TOP1: variants seen among roughly 807,000 people sequenced by gnomAD.
TOP1 encodes DNA topoisomerase 1.
Under a neutral mutation model 111.1 loss-of-function variants are expected in TOP1, and 10 were observed. The ratio of observed to expected loss-of-function variants is 0.09; its 90% CI spans 0.06 to 0.15. The LOEUF (loss-of-function observed/expected upper bound fraction) is 0.15. Ranked by LOEUF, TOP1 falls within the 10% of genes least tolerant of loss-of-function variation. The pLI, the probability that TOP1 is intolerant of heterozygous loss-of-function variation, is 1.00. For synonymous variants in TOP1, 271 were observed against 302.9 expected, an observed-to-expected ratio of 0.89 and a Z score of 1.10; for missense variants, 474 against 926.7, an observed-to-expected ratio of 0.51 and a Z score of 6.34.
In TOP1 at chr20:41,118,799, T is replaced by C. The variant is rs77927815; in HGVS notation, c.1950+503T>C. ...TATATAGTTCATCATCAAACATCTGTTGAATACTGGCCGTGTGCCAGACAA... is the reference window on the plus strand; with the variant it reads ...TATATAGTTCATCATCAAACATCTGCTGAATACTGGCCGTGTGCCAGACAA... On this transcript the variant is annotated intron_variant, in intron 18 of 20. Transcript: ENST00000361337. The surrounding 1 kb of genome is among the most constrained non-coding windows in gnomAD (Gnocchi z 4.6). 2.2e-3 allele frequency among the ~76,000 whole-genome samples: 332 copies of C among 152,372 alleles called. 1 individual carries two copies. The highest frequency in any genetic ancestry group is 7.6e-3 in the African/African-American group (314 of 41,582).
intron 2 of TOP1, among the ~76,000 whole-genome samples, chr20:41,045,452 C>A (rs991004364): frequency 6.6e-6 from 1 of 152,184 alleles, no homozygotes; most frequent in Non-Finnish European, 1.5e-5. Flanking sequence ...GAAGTTCAGG[C>A]AGTTGTACGT....
intron 2 of TOP1, among the ~76,000 whole-genome samples, chr20:41,048,841 G>A (rs1360162329): frequency 6.6e-6 from 1 of 152,188 alleles, no homozygotes; most frequent in African/African-American, 2.4e-5. Context: ...AGAACCAGAG[G>A]AAGATAAGAA....
At chr20:41,103,841 G>A (rs1221315149) in intron 13 of TOP1, among the ~76,000 whole-genome samples, 1 of 151,180 alleles carries the variant, frequency 6.6e-6, no homozygotes. Context: ...TATTCATCCT[G>A]TAAATCTCAT....
intron 7 of TOP1, among the ~76,000 whole-genome samples, chr20:41,081,774 A>G (rs932072106): frequency 3.3e-5 from 5 of 152,118 alleles, no homozygotes; most frequent in African/African-American, 1.2e-4. Flanking sequence ...TACTTGTACC[A>G]GTCACACTAG....
chr20:41,057,392 A>C, intron 2 of TOP1, among the ~76,000 whole-genome samples: 1 of 144,040 alleles, frequency 6.9e-6, no homozygotes, highest in Admixed American at 6.9e-5. Flanking sequence ...CAAAAAAAAT[A>C]AAAAAAAAAA....
At chr20:41,111,214 T>C (rs2034234178) in intron 13 of TOP1, among the ~76,000 whole-genome samples, 1 of 152,172 alleles carries the variant, frequency 6.6e-6, no homozygotes, top group Admixed American at 6.5e-5. Context: ...GTGAGCCTTT[T>C]GTGTCCAATT....
chr20:41,113,894 A>C lies in TOP1; in HGVS notation c.1453-76A>C, dbSNP rs1463129848. ...GAGACTGTCTCAAAAAAAAAAAAAA[A>C]AAAAACACAGAACGAAATTGTGTAA... On this transcript the variant is annotated intron_variant, in intron 14 of 20. Coordinates refer to ENST00000361337, the MANE Select transcript of TOP1 (RefSeq NM_003286.4). The C allele has an allele frequency of 2.9e-5, 36 of 1,260,668 alleles. No individual in the cohort carries two copies. The South Asian group carries it at 5.0e-4, about 18-fold the overall frequency. The allele number at this position is 1,260,668 out of a possible 1,614,324, so 78.1% of individuals were successfully genotyped here.
chr20:41,059,451 A>AATAAATAC (rs1168088537), intron 2 of TOP1, among the ~76,000 whole-genome samples: 17 of 147,338 alleles, frequency 1.2e-4, no homozygotes, highest in Non-Finnish European at 2.3e-4. Flanking sequence ...TAAATAAATA[A>AATAAATAC]ATAAATAAGG....
At chr20:41,103,166 CAG>C (rs1007505785) in intron 13 of TOP1, among the ~76,000 whole-genome samples, 7 of 152,272 alleles carry the variant, frequency 4.6e-5, no homozygotes, top group Admixed American at 2.0e-4. Flanking sequence ...ATCAAAATAA[CAG>C]AGTTACTATT....
chr20:41,093,201 C>T (rs2033941468), intron 9 of TOP1, among the ~76,000 whole-genome samples: 1 of 152,168 alleles, frequency 6.6e-6, no homozygotes, highest in South Asian at 2.1e-4. Flanking sequence ...TATTTGTATC[C>T]TTGGGTTTGA....
rs2034197090 is a variant in TOP1, at chr20:41,109,298, A to G, written c.1309-3484A>G. ...TATATTCTGAGCCTGGCATCTTGGT[A>G]TAAAATTCAAAACGTTTTAAATCTA... On this transcript the variant is annotated intron_variant, in intron 13 of 20. Transcript: ENST00000361337. The surrounding 1 kb of genome is among the most constrained non-coding windows in gnomAD (Gnocchi z 4.1). Among the ~76,000 whole-genome samples, 1 of 152,214 alleles carries G rather than the reference A, an allele frequency of 6.6e-6. No individual in the cohort carries two copies. Among genetic ancestry groups the G allele is most frequent in the Admixed American group, 6.5e-5 (1 of 15,282 alleles).
At chr20:41,051,276 T>C (rs926384747) in intron 2 of TOP1, among the ~76,000 whole-genome samples, 1 of 152,142 alleles carries the variant, frequency 6.6e-6, no homozygotes, top group Non-Finnish European at 1.5e-5. Context: ...GTCTCAAATC[T>C]ATCATCAAAA....
rs1294123435 is a variant in TOP1 at position 41,106,954 on chromosome 20, C to T, written c.1308+5601C>T. ...AAACCCTAACCCTTTCCCTAGTCAACAGCAGTCACAGCCAAATGTTTTATT... is the reference window on the plus strand; with the variant it reads ...AAACCCTAACCCTTTCCCTAGTCAATAGCAGTCACAGCCAAATGTTTTATT... On this transcript the variant is annotated intron_variant, in intron 13 of 20. Coordinates refer to ENST00000361337, the MANE Select transcript of TOP1 (RefSeq NM_003286.4). The surrounding 1 kb of genome is among the most constrained non-coding windows in gnomAD (Gnocchi z 4.3). Among the ~76,000 whole-genome samples the T allele has an allele frequency of 6.6e-6, 1 of 152,154 alleles. No homozygotes were observed. The highest frequency in any genetic ancestry group is 2.4e-5 in the African/African-American group (1 of 41,450).
chr20:41,051,801 C>T (rs1327016788), intron 2 of TOP1, among the ~76,000 whole-genome samples: 1 of 151,904 alleles, frequency 6.6e-6, no homozygotes, highest in South Asian at 2.1e-4. Flanking sequence ...ATGGTTGCTG[C>T]CTCAAATGCA....
Position 41,097,263 on chromosome 20 carries a change from G to T in TOP1, c.774G>T (p.Thr258=), listed in dbSNP as rs769467404. Residue 258 remains threonine (T), a synonymous_variant, in exon 10 of 21, where the codon ACG becomes ACT. Transcript: ENST00000361337. This position sits in a 1 kb window ranked among gnomAD's most constrained non-coding sequence, Gnocchi z 4.2. ...KLSPKAEEVA[T]FFAKMLDHEY... ...GCCCCAAAGCAGAGGAAGTAGCTACGTTCTTTGCAAAAATGCTCGACCATG... is the reference window on the plus strand; with the variant it reads ...GCCCCAAAGCAGAGGAAGTAGCTACTTTCTTTGCAAAAATGCTCGACCATG... 4.3e-6 allele frequency: 7 copies of T among 1,613,750 alleles called. No individual in the cohort carries two copies. The highest frequency in any genetic ancestry group is 5.9e-6 in the Non-Finnish European group (7 of 1,179,964).
At position 41,067,464 on chromosome 20, in the gene TOP1, G is replaced by T. The variant is rs79374417; in HGVS notation, c.155+5974G>T. On this transcript the variant is annotated intron_variant, in intron 3 of 20. Transcript: ENST00000361337. The surrounding 1 kb of genome is among the most constrained non-coding windows in gnomAD (Gnocchi z 4.0). Reference sequence around the variant, plus strand: ...ACTGTGATCCTTTTAAAGTACCTCTGATCTTTTTAAATAGTTTAGGGTTTC... The same window carrying T: ...ACTGTGATCCTTTTAAAGTACCTCTTATCTTTTTAAATAGTTTAGGGTTTC... 7.8e-3 allele frequency among the ~76,000 whole-genome samples: 1,185 copies of T among 152,212 alleles called. 11 individuals carry two copies. The highest frequency in any genetic ancestry group is 0.027 in the African/African-American group (1,121 of 41,526).
chr20:41,046,169 C>T lies in TOP1; in HGVS notation c.59-15225C>T, dbSNP rs2033331382. The stretch of plus-strand genomic sequence containing the variant: ...CTGATATTTGAACATTTTTAATGCC[C>T]TAGGCAGCGTCTTAAGAATTCTAAG... On this transcript the variant is annotated intron_variant, in intron 2 of 20. Coordinates refer to ENST00000361337, the MANE Select transcript of TOP1 (RefSeq NM_003286.4). The surrounding 1 kb of genome is among the most constrained non-coding windows in gnomAD (Gnocchi z 4.3). 6.6e-6 allele frequency among the ~76,000 whole-genome samples: 1 copy of T among 152,146 alleles called. No individual in the cohort carries two copies. Among genetic ancestry groups the T allele is most frequent in the Admixed American group, 6.5e-5 (1 of 15,278 alleles).
rs1052168765 is a variant in TOP1 at position 41,058,664 on chromosome 20, T to A, written c.59-2730T>A. 3.3e-5 allele frequency among the ~76,000 whole-genome samples: 5 copies of A among 152,096 alleles called. No individual in the cohort carries two copies. Among genetic ancestry groups the A allele is most frequent in the Non-Finnish European group, 7.4e-5 (5 of 68,020 alleles). On this transcript the variant is annotated intron_variant, in intron 2 of 20. Transcript: ENST00000361337. This position sits in a 1 kb window ranked among gnomAD's most constrained non-coding sequence, Gnocchi z 4.2. ...CCTCACAATTCCACTTCATCTTGTT[T>A]GTTAGGAGTGAGTCACAGTGTCCAG...
chr20:41,108,894 A>G (rs2034190551), intron 13 of TOP1, among the ~76,000 whole-genome samples: 1 of 152,242 alleles, frequency 6.6e-6, no homozygotes, highest in Admixed American at 6.5e-5. Flanking sequence ...ACCTGCTCTC[A>G]CAACCCAGGG....
Sources: allele counts gnomAD v4.1 joint callset (sites outside exome capture counted in the v4.1 genomes callset), GRCh38; gene constraint gnomAD v4.1.1; non-coding constraint Gnocchi (gnomAD v3.1); transcripts MANE v1.5; gene names NCBI Gene and HGNC (gene_info 2026-07-23, HGNC 2026-07-21).